The following UNC13C variants were observed in gnomAD, a reference collection of about 807,000 sequenced individuals.
The protein encoded by UNC13C is protein unc-13 homolog C.
Under a neutral mutation model 245.4 loss-of-function variants are expected in UNC13C, and 174 were observed. That is an observed-to-expected ratio of 0.71 (90% CI 0.63 to 0.80). The LOEUF (loss-of-function observed/expected upper bound fraction) is 0.80, where lower values mean the gene tolerates loss of function less well. Among genes scored for constraint, UNC13C ranks in the 30% least tolerant of loss-of-function variants. UNC13C has a pLI of 0.00. For missense variants in UNC13C, 2,829 were observed against 2,602.9 expected (o/e 1.09, Z -1.89); for synonymous variants, 992 against 895.1 (o/e 1.11, Z -1.93).
At chr15:54,328,446 A>T (rs2038353206) in intron 14 of UNC13C, among the ~76,000 whole-genome samples, 1 of 152,014 alleles carries the variant, frequency 6.6e-6, no homozygotes, top group South Asian at 2.1e-4. Flanking sequence ...ATTCCTGAAA[A>T]TTTTACAAAA....
At chr15:54,022,745 T>G (rs1266256451) in intron 2 of UNC13C, among the ~76,000 whole-genome samples, 1 of 152,204 alleles carries the variant, frequency 6.6e-6, no homozygotes, top group Admixed American at 6.5e-5. Flanking sequence ...TGCAGAAGCT[T>G]TTTACTTCGA....
intron 11 of UNC13C, among the ~76,000 whole-genome samples, chr15:54,296,640 A>T (rs2140940585): frequency 6.6e-6 from 1 of 152,300 alleles, no homozygotes; most frequent in African/African-American, 2.4e-5. Context: ...AAAGAATAAC[A>T]GTGAAAAGTC....
chr15:53,862,596 C>T, the UNC13C span, among the ~76,000 whole-genome samples: 2 of 152,144 alleles, frequency 1.3e-5, no homozygotes, highest in Non-Finnish European at 2.9e-5. Context: ...TGCCCTCATA[C>T]ACCCAGTTTC....
At chr15:54,608,793 T>A (rs1475418427) in intron 30 of UNC13C, among the ~76,000 whole-genome samples, 1 of 152,224 alleles carries the variant, frequency 6.6e-6, no homozygotes, top group Non-Finnish European at 1.5e-5. Flanking sequence ...ATTTCTCTTC[T>A]GACAAATGTT....
chr15:54,159,423 C>A (rs1170653396), intron 4 of UNC13C, among the ~76,000 whole-genome samples: 1 of 152,218 alleles, frequency 6.6e-6, no homozygotes, highest in Admixed American at 6.5e-5. Flanking sequence ...GCACCAAGTA[C>A]AAAAGCACTG....
chr15:54,237,788 T>G (rs932557317), intron 7 of UNC13C, 98 bp downstream of exon 7: 2 of 1,032,242 alleles, frequency 1.9e-6, no homozygotes, highest in Admixed American at 4.5e-5. Flanking sequence ...TGATGTTTAG[T>G]CCAATGTTCC....
chr15:54,260,121 C>T (rs554533478), intron 8 of UNC13C, among the ~76,000 whole-genome samples: 6 of 151,936 alleles, frequency 3.9e-5, no homozygotes, highest in Non-Finnish European at 8.8e-5. Context: ...ACTTGGAATA[C>T]ACATTTAATA....
chr15:54,610,265 T>C (rs1900012567), intron 30 of UNC13C, among the ~76,000 whole-genome samples: 1 of 152,122 alleles, frequency 6.6e-6, no homozygotes, highest in African/African-American at 2.4e-5. Flanking sequence ...AGATGGAGTC[T>C]TGCTCTGTCG....
chr15:54,000,691 C>T (rs1278698282), intron 1 of UNC13C, among the ~76,000 whole-genome samples: 4 of 152,014 alleles, frequency 2.6e-5, no homozygotes, highest in Non-Finnish European at 5.9e-5. Context: ...AATTTATGGA[C>T]AGATAGAATG....
the UNC13C span, among the ~76,000 whole-genome samples, chr15:53,873,540 T>G: frequency 6.6e-6 from 1 of 152,154 alleles, no homozygotes; most frequent in East Asian, 1.9e-4. Context: ...CTTTTGGATT[T>G]TTTTTCCTCA....
chr15:54,475,016 C>G (rs1338879313), intron 19 of UNC13C, among the ~76,000 whole-genome samples: 1 of 152,004 alleles, frequency 6.6e-6, no homozygotes, highest in Non-Finnish European at 1.5e-5. Flanking sequence ...ATCCCCATGA[C>G]TCAAACACCT....
At chr15:54,155,149 G>A (rs900704934) in intron 4 of UNC13C, among the ~76,000 whole-genome samples, 1 of 152,042 alleles carries the variant, frequency 6.6e-6, no homozygotes, top group African/African-American at 2.4e-5. Context: ...TGATTCCTTG[G>A]GTCTTGTCTA....
chr15:53,903,374 G>C, the UNC13C span, among the ~76,000 whole-genome samples: 42 of 152,168 alleles, frequency 2.8e-4, no homozygotes, highest in African/African-American at 9.4e-4. Context: ...AATGTCATTT[G>C]AAATATTTCA....
At chr15:54,628,629 T>TTTTA (rs1318656462), downstream of UNC13C, 1 of 152,612 alleles carries the variant, frequency 6.6e-6, no homozygotes, top group East Asian at 1.9e-4. Context: ...TCTTCTGCCT[T>TTTTA]TTTATTTCAT....
chr15:54,549,903 A>G (rs1896660801), intron 28 of UNC13C, among the ~76,000 whole-genome samples: 1 of 152,198 alleles, frequency 6.6e-6, no homozygotes, highest in Non-Finnish European at 1.5e-5. Context: ...TTTCTTTCAT[A>G]TATTAAACTG....
chr15:54,197,114 T>C (rs2034378258), intron 4 of UNC13C, among the ~76,000 whole-genome samples: 1 of 152,114 alleles, frequency 6.6e-6, no homozygotes, highest in Non-Finnish European at 1.5e-5. Context: ...AACAAAACTT[T>C]CATTATTAGC....
chr15:54,406,517 A>T (rs1395181564), intron 18 of UNC13C, among the ~76,000 whole-genome samples: 1 of 152,210 alleles, frequency 6.6e-6, no homozygotes, highest in African/African-American at 2.4e-5. Context: ...TTGGGGTAGC[A>T]TGTCCTAAAT....
At chr15:54,449,405 G>A (rs1596394093) in intron 19 of UNC13C, among the ~76,000 whole-genome samples, 1 of 152,160 alleles carries the variant, frequency 6.6e-6, no homozygotes, top group Admixed American at 6.5e-5. Flanking sequence ...GTCACTTTCA[G>A]GTACACCAAT....
chr15:53,853,248 C>G, the UNC13C span, among the ~76,000 whole-genome samples: 3 of 152,158 alleles, frequency 2.0e-5, no homozygotes, highest in Non-Finnish European at 4.4e-5. Flanking sequence ...TCATTCAGCT[C>G]TCCCTTATAA....
Sources: allele counts gnomAD v4.1 joint callset (sites outside exome capture counted in the v4.1 genomes callset), GRCh38; gene constraint gnomAD v4.1.1; transcripts MANE v1.5; gene names NCBI Gene and HGNC (gene_info 2026-07-23, HGNC 2026-07-21).